KRT5: variants seen among roughly 807,000 people sequenced by gnomAD.
KRT5 encodes the protein keratin, type II cytoskeletal 5.
Under a neutral mutation model 44.0 loss-of-function variants are expected in KRT5, and 17 were observed. That is an observed-to-expected ratio of 0.39 (90% CI 0.26 to 0.58). The LOEUF (loss-of-function observed/expected upper bound fraction) is 0.58, where lower values mean the gene tolerates loss of function less well. Among genes scored for constraint, KRT5 ranks in the 20% least tolerant of loss-of-function variants. The pLI is 0.61. For missense variants in KRT5, 737 were observed against 785.5 expected (o/e 0.94, Z 0.74); for synonymous variants, 329 against 312.8 (o/e 1.05, Z -0.55).
In KRT5 at chr12:52,515,038, T is replaced by G; in HGVS notation, c.1677A>C (p.Arg559=). 1 of 915,098 alleles carries G rather than the reference T, an allele frequency of 1.1e-6. No homozygotes were observed. The highest frequency in any genetic ancestry group is 1.5e-6 in the Non-Finnish European group (1 of 667,928). 56.7% of individuals were successfully genotyped at this position (915,098 alleles called of 1,614,324 possible). ...CACTGCCAAAGCCCACCCCCAGCCC[T>G]CGGCCACTGCTTGCACTGAAGCCAG... ...GGSGFSASSG[R]GLGVGFGSGG... Residue 559 remains arginine, a synonymous_variant, in exon 9 of 9, where the codon CGA becomes CGC. Coordinates refer to ENST00000252242, the MANE Select transcript of KRT5 (RefSeq NM_000424.4).
chr12:52,515,194 G>A lies in KRT5; in HGVS notation c.1521C>T (p.Gly507=). ...SVSSGYGSGS[G]YGGGLGGGLG... is the part of the protein sequence containing the mutation. ...GACCTCCACCGAGGCCACCGCCATAGCCACTGCCACTGCCATATCCAGAGG... is the reference window on the plus strand; with the variant it reads ...GACCTCCACCGAGGCCACCGCCATAACCACTGCCACTGCCATATCCAGAGG... The change falls in exon 9 of 9, where the codon GGC becomes GGT. Residue 507 remains glycine (G), a synonymous_variant. Coordinates refer to ENST00000252242, the MANE Select transcript of KRT5 (RefSeq NM_000424.4). 6.2e-7 allele frequency: 1 copy of A among 1,610,904 alleles called. No individual in the cohort carries two copies. The highest frequency in any genetic ancestry group is 2.2e-5 in the East Asian group (1 of 44,854).
In KRT5 at chr12:52,519,005, C is replaced by G; in HGVS notation, c.711G>C (p.Arg237=). ...TTCTCAGCTCTGAGTCCAGGCGGCC[C>G]CGTTCCCCCACGATGCTGTCCAGCT... ...RRQLDSIVGE[R]GRLDSELRNM... is the part of the protein sequence containing the mutation. Residue 237 remains arginine, a synonymous_variant, in exon 2 of 9, where the codon CGG becomes CGC. Coordinates refer to ENST00000252242, the MANE Select transcript of KRT5 (RefSeq NM_000424.4). 1 of 1,614,172 alleles carries G rather than the reference C, an allele frequency of 6.2e-7. No homozygotes were observed. Among genetic ancestry groups the G allele is most frequent in the South Asian group, 1.1e-5 (1 of 91,084 alleles).
rs149467228 is a variant in KRT5 at position 52,517,611 on chromosome 12, G to A, written c.1071C>T (p.Ala357=). 8,972 of 1,614,124 alleles carry A rather than the reference G, an allele frequency of 5.6e-3. 33 individuals carry two copies. Among genetic ancestry groups the A allele is most frequent in the Non-Finnish European group, 6.3e-3 (7,390 of 1,180,016 alleles). Residue 357 remains alanine, a synonymous_variant, in exon 5 of 9, where the codon GCC becomes GCT. Coordinates refer to ENST00000252242, the MANE Select transcript of KRT5 (RefSeq NM_000424.4). The part of the protein sequence containing the change: ...EEIANRSRTE[A]ESWYQTKYEE... Reference sequence around the variant, plus strand: ...CCACCTTGGTCTGATACCAGGACTCGGCTTCTGTCCGGCTGCGGTTGGCAA... The same window carrying A: ...CCACCTTGGTCTGATACCAGGACTCAGCTTCTGTCCGGCTGCGGTTGGCAA...
chr12:52,514,970 G>T lies in KRT5; in HGVS notation c.1745C>A (p.Ser582Tyr). ...SSSVKFVSTT[S>Y]SSRKSFKS ...GCTCTTGAAGCTCTTCCGGGAGGAG[G>T]AGGTGGTGGAGACAAATTTGACGCT... The change falls in exon 9 of 9, where the codon TCC becomes TAC. Residue 582 changes from serine to tyrosine, a missense_variant. Around this residue, in one of 5 missense-constraint regions of KRT5, gnomAD observed 344 missense variants for 351.6 expected, o/e 0.98. Transcript: ENST00000252242. 1.2e-6 allele frequency: 2 copies of T among 1,613,688 alleles called. No homozygotes were observed. Among genetic ancestry groups the T allele is most frequent in the Non-Finnish European group, 1.7e-6 (2 of 1,179,992 alleles).
chr12:52,519,485 G>A lies in KRT5; in HGVS notation c.555+257C>T, dbSNP rs1938674079. 3 of 623,936 alleles carry A rather than the reference G, an allele frequency of 4.8e-6. No homozygotes were observed. In the Admixed American group the frequency reaches 8.2e-5, roughly 17 times the overall value. 38.6% of individuals were successfully genotyped at this position (623,936 alleles called of 1,614,324 possible). On this transcript the variant is annotated intron_variant, in intron 1 of 8. Transcript: ENST00000252242. The stretch of plus-strand genomic sequence containing the variant: ...CAGTCAGCCCCTTTATATATGGCAT[G>A]AAATTCATCTCTCTGTCCAACAGTT...
chr12:52,518,163 C>G lies in KRT5; in HGVS notation c.771G>C (p.Lys257Asn). 6.2e-7 allele frequency: 1 copy of G among 1,614,074 alleles called. No homozygotes were observed. Among genetic ancestry groups the G allele is most frequent in the Admixed American group, 1.7e-5 (1 of 60,026 alleles). ...TACGCTTGTTGATTTCATCCTCATA[C>G]CTGGTGGTGAAAGGGATGGGAAGTG... Reference protein sequence around the residue: ...MQDLVEDFKNKYEDEINKRTT... With the variant: ...MQDLVEDFKNNYEDEINKRTT... The change falls in exon 3 of 9, where the codon AAG becomes AAC. Residue 257 changes from lysine (K) to asparagine (N), a missense_variant and splice_region_variant. Around this residue, in one of 5 missense-constraint regions of KRT5, gnomAD observed 4 missense variants for 17.7 expected, o/e 0.23. Transcript: ENST00000252242.
In KRT5 at chr12:52,515,001, T is replaced by C; in HGVS notation, c.1714A>G (p.Ser572Gly). The C allele has an allele frequency of 6.2e-7, 1 of 1,612,610 alleles. No homozygotes were observed. The change falls in exon 9 of 9, where the codon AGC (serine) becomes GGC (glycine). Residue 572 changes from serine to glycine, a missense_variant. Coordinates refer to ENST00000252242, the MANE Select transcript of KRT5 (RefSeq NM_000424.4). ...GTGGAGACAAATTTGACGCTGGAGC[T>C]GCTACCCCCGCCACTGCCAAAGCCC... is the stretch of plus-strand genomic sequence containing the variant. ...GVGFGSGGGS[S>G]SSVKFVSTTS...
Position 52,517,675 on chromosome 12 carries a change from T to C in KRT5, c.1007A>G (p.Asp336Gly). Residue 336 changes from aspartate (D) to glycine (G), a missense_variant, in exon 5 of 9, where the codon GAT becomes GGT. Physicochemically the swap from Asp to Gly is moderately conservative, Grantham distance 94. Transcript: ENST00000252242. ...SMDNNRNLDL[D>G]SIIAEVKAQY... ...GGCCTTGACCTCAGCGATGATGCTA[T>C]CCAGGTCCAGGTTGCGGTTGTTGTC... 3 of 1,614,202 alleles carry C rather than the reference T, an allele frequency of 1.9e-6. No homozygotes were observed. Among genetic ancestry groups the C allele is most frequent in the Non-Finnish European group, 2.5e-6 (3 of 1,180,030 alleles).
chr12:52,516,431 T>C, intron 7 of KRT5: 1 of 609,818 alleles, frequency 1.6e-6, no homozygotes, highest in South Asian at 1.8e-5. Context: ...GGACAGCCAG[T>C]GCCCAGGAAC....
intron 2 of KRT5, 34 bp downstream of exon 2, chr12:52,518,912 C>A: frequency 6.2e-7 from 1 of 1,613,428 alleles, no homozygotes. Flanking sequence ...GAAGACACCA[C>A]CCTCCCCTGT....
At position 52,516,759 on chromosome 12, in the gene KRT5, C is replaced by T. The variant is rs966237423; in HGVS notation, c.1317G>A (p.Leu439=). Residue 439 remains leucine, a synonymous_variant, in exon 7 of 9, where the codon CTG becomes CTA. Transcript: ENST00000252242. ...RNKLAELEEA[L]QKAKQDMARL... is the part of the protein sequence containing the mutation. ...GGGCCATGTCCTGCTTGGCCTTCTGCAGGGCCTCCTCCAGCTCGGCCAGCT... is the reference window on the plus strand; with the variant it reads ...GGGCCATGTCCTGCTTGGCCTTCTGTAGGGCCTCCTCCAGCTCGGCCAGCT... The T allele has an allele frequency of 1.2e-6, 2 of 1,614,218 alleles. No individual in the cohort carries two copies. Among genetic ancestry groups the T allele is most frequent in the Non-Finnish European group, 1.7e-6 (2 of 1,180,048 alleles).
rs958335838 is a variant in KRT5, at chr12:52,514,608, T to G, written c.*334A>C. ...TAAAAGCATTTTATTGAACACATTC[T>G]GGAGGTAGTTAGAACCAAAACAAAA... On this transcript the variant is annotated 3_prime_UTR_variant, in exon 9 of 9. Coordinates refer to ENST00000252242, the MANE Select transcript of KRT5 (RefSeq NM_000424.4). 6.5e-5 allele frequency: 24 copies of G among 369,060 alleles called. No individual in the cohort carries two copies. Among genetic ancestry groups the G allele is most frequent in the Non-Finnish European group, 1.2e-4 (24 of 203,796 alleles). The allele number at this position is 369,060 out of a possible 1,614,324, so 22.9% of individuals were successfully genotyped here.
At position 52,515,848 on chromosome 12, in the gene KRT5, T is replaced by C. The variant is rs575136636; in HGVS notation, c.1440-16A>G. ...TCCACTGAGTCTGAAAGGGGAAAAA[T>C]TGAATTAAGGGTTAACAGCTCCCAA... On this transcript the variant is annotated splice_polypyrimidine_tract_variant and intron_variant, in intron 7 of 8. Transcript: ENST00000252242. 5.0e-6 allele frequency: 8 copies of C among 1,610,812 alleles called. No individual in the cohort carries two copies. Among genetic ancestry groups the C allele is most frequent in the South Asian group, 1.1e-5 (1 of 91,000 alleles).
At position 52,515,170 on chromosome 12, in the gene KRT5, A is replaced by T. The variant is rs2120469380; in HGVS notation, c.1545T>A (p.Gly515=). The T allele has an allele frequency of 6.2e-7, 1 of 1,611,684 alleles. No homozygotes were observed. The highest frequency in any genetic ancestry group is 8.5e-7 in the Non-Finnish European group (1 of 1,179,518). The part of the protein sequence containing the change: ...GSGYGGGLGG[G]LGGGLGGGLA... ...GACCTCCACCGAGGCCGCCGCCAAG[A>T]CCTCCACCGAGGCCACCGCCATAGC... Residue 515 remains glycine (G), a synonymous_variant, in exon 9 of 9, where the codon GGT becomes GGA. Transcript: ENST00000252242.
Position 52,519,894 on chromosome 12 carries a change from A to C in KRT5, c.403T>G (p.Cys135Gly). 1 of 1,613,936 alleles carries C rather than the reference A, an allele frequency of 6.2e-7. No individual in the cohort carries two copies. Among genetic ancestry groups the C allele is most frequent in the Non-Finnish European group, 8.5e-7 (1 of 1,179,996 alleles). Residue 135 changes from cysteine to glycine, a missense_variant, in exon 1 of 9, where the codon TGC (cysteine) becomes GGC (glycine). Cys to Gly is a radical substitution (Grantham distance 159). Around this residue, in one of 5 missense-constraint regions of KRT5, gnomAD observed 326 missense variants for 333.1 expected, o/e 0.98. Transcript: ENST00000252242. ...GGFGGPGFPV[C>G]PPGGIQEVTV... is the part of the protein sequence containing the mutation. ...ACCTCTTGGATACCTCCAGGAGGGC[A>C]GACAGGAAAGCCAGGGCCACCGAAG...
chr12:52,517,533 A>G, intron 5 of KRT5, 57 bp downstream of exon 5: 1 of 1,577,098 alleles, frequency 6.3e-7, no homozygotes. Context: ...GTCATGGCCT[A>G]GAATCCTAGA....
At position 52,517,585 on chromosome 12, in the gene KRT5, C is replaced by A. The variant is rs201880061; in HGVS notation, c.1092+5G>T. Reference sequence around the variant, plus strand: ...CACTCAGGAGACAGTCATCAGAGCACCCACCTTGGTCTGATACCAGGACTC... The same window carrying A: ...CACTCAGGAGACAGTCATCAGAGCAACCACCTTGGTCTGATACCAGGACTC... On this transcript the variant is annotated splice_donor_5th_base_variant and intron_variant, in intron 5 of 8. Transcript: ENST00000252242. 1.9e-5 allele frequency: 31 copies of A among 1,613,890 alleles called. No individual in the cohort carries two copies. In the African/African-American group the frequency reaches 3.9e-4, roughly 20 times the overall value.
rs1057500590 is a variant in KRT5 at position 52,517,974 on chromosome 12, T to C, written c.850A>G (p.Met284Val). The C allele has an allele frequency of 4.3e-6, 7 of 1,614,082 alleles. No individual in the cohort carries two copies. In the East Asian group the frequency reaches 1.3e-4, roughly 31 times the overall value. The part of the protein sequence containing the change: ...MLKKDVDAAY[M>V]NKVELEAKVD... ...TTGGCCTCCAGCTCCACCTTGTTCA[T>C]GTAGGCAGCATCTACATCCTGGGGA... is the stretch of plus-strand genomic sequence containing the variant. Residue 284 changes from methionine (M) to valine (V), a missense_variant, in exon 4 of 9, where the codon ATG becomes GTG. This residue lies in a region of KRT5 where 59 missense variants were observed against 62.5 expected (regional missense o/e 0.94). Transcript: ENST00000252242.
Position 52,518,004 on chromosome 12 carries a change from G to A in KRT5, c.832-12C>T, listed in dbSNP as rs1938642999. The A allele has an allele frequency of 6.2e-7, 1 of 1,612,894 alleles. No homozygotes were observed. The highest frequency in any genetic ancestry group is 8.5e-7 in the Non-Finnish European group (1 of 1,178,914). On this transcript the variant is annotated splice_polypyrimidine_tract_variant and intron_variant, in intron 3 of 8. Coordinates refer to ENST00000252242, the MANE Select transcript of KRT5 (RefSeq NM_000424.4). ...GCAGCATCTACATCCTGGGGAAACAGGGATGATTGGCACTGCACACACCGT... is the reference window on the plus strand; with the variant it reads ...GCAGCATCTACATCCTGGGGAAACAAGGATGATTGGCACTGCACACACCGT...
Sources: allele counts gnomAD v4.1 joint callset, GRCh38; gene constraint gnomAD v4.1.1; regional missense constraint gnomAD v4.1.1; transcripts MANE v1.5; gene names NCBI Gene and HGNC (gene_info 2026-07-23, HGNC 2026-07-21).